The following NELL1 variants were observed in gnomAD, a reference collection of about 807,000 sequenced individuals.
NELL1 encodes the protein protein kinase C-binding protein NELL1.
In NELL1, 76 loss-of-function variants were observed where a neutral mutation model predicts 107.4. The ratio of observed to expected loss-of-function variants is 0.71; its 90% CI spans 0.59 to 0.86. The LOEUF (loss-of-function observed/expected upper bound fraction) is 0.86, where lower values mean the gene tolerates loss of function less well. Ranked by LOEUF, NELL1 falls within the 40% of genes least tolerant of loss-of-function variation. NELL1 has a pLI of 0.00. For synonymous variants in NELL1, 353 were observed against 341.2 expected (o/e 1.03, Z -0.38); for missense variants, 1,024 against 1,005.5 (o/e 1.02, Z -0.25).
chr11:20,956,275 T>A (rs1288254630), intron 11 of NELL1, among the ~76,000 whole-genome samples: 2 of 152,002 alleles, frequency 1.3e-5, no homozygotes, highest in Non-Finnish European at 2.9e-5. Context: ...ATTATTCTAT[T>A]TGAATCAGAG....
At chr11:21,453,268 T>G (rs1288218760) in intron 15 of NELL1, among the ~76,000 whole-genome samples, 1 of 152,140 alleles carries the variant, frequency 6.6e-6, no homozygotes, top group African/African-American at 2.4e-5. Context: ...TATCAGTTAT[T>G]GCTTCACATA....
chr11:20,736,505 T>A (rs1590245932), intron 2 of NELL1, among the ~76,000 whole-genome samples: 1 of 152,148 alleles, frequency 6.6e-6, no homozygotes, highest in East Asian at 1.9e-4. Context: ...AGTTCAAGAA[T>A]CATCTTGGAG....
At chr11:21,229,933 C>A (rs1857998802) in intron 14 of NELL1, among the ~76,000 whole-genome samples, 1 of 152,130 alleles carries the variant, frequency 6.6e-6, no homozygotes, top group Non-Finnish European at 1.5e-5. Context: ...AAATAAAATT[C>A]CTCCTTCTGG....
At chr11:21,462,735 G>C (rs1393878992) in intron 15 of NELL1, among the ~76,000 whole-genome samples, 2 of 152,008 alleles carry the variant, frequency 1.3e-5, no homozygotes, top group South Asian at 4.1e-4. Context: ...TGAGAGTCAA[G>C]GAGGTCTATT....
chr11:20,801,236 T>G (rs1287327515), intron 3 of NELL1, among the ~76,000 whole-genome samples: 1 of 152,204 alleles, frequency 6.6e-6, no homozygotes, highest in Non-Finnish European at 1.5e-5. Flanking sequence ...GGTAGCTTGT[T>G]TTTTAAAAAA....
chr11:21,476,069 C>T (rs1207111917), intron 15 of NELL1, among the ~76,000 whole-genome samples: 1 of 152,148 alleles, frequency 6.6e-6, no homozygotes, highest in Non-Finnish European at 1.5e-5. Flanking sequence ...TTCAATTGAA[C>T]TCTACCTTTG....
At chr11:20,934,866 A>T (rs1385419505) in intron 9 of NELL1, among the ~76,000 whole-genome samples, 2 of 152,184 alleles carry the variant, frequency 1.3e-5, no homozygotes, top group African/African-American at 4.8e-5. Flanking sequence ...TTTATCTACA[A>T]AATTGAGGCA....
At chr11:21,220,466 T>C (rs1396349310) in intron 13 of NELL1, among the ~76,000 whole-genome samples, 1 of 152,146 alleles carries the variant, frequency 6.6e-6, no homozygotes, top group Non-Finnish European at 1.5e-5. Context: ...CTTTGAAGAG[T>C]ATGGTTTGTT....
intron 4 of NELL1, among the ~76,000 whole-genome samples, chr11:20,885,149 G>A (rs896817828): frequency 2.6e-5 from 4 of 152,122 alleles, no homozygotes; most frequent in Admixed American, 6.6e-5. Flanking sequence ...TATAACATGC[G>A]TATCAAACCA....
At chr11:20,764,899 T>C (rs327037) in intron 2 of NELL1, among the ~76,000 whole-genome samples, 40,465 of 152,002 alleles carry the variant, frequency 0.27, 6,543 homozygotes, top group African/African-American at 0.45. Flanking sequence ...GGATGACTCA[T>C]GCCTGTAATC....
Position 21,560,383 on chromosome 11 carries a change from G to A in NELL1, c.1980+1G>A. 1 of 1,568,034 alleles carries A rather than the reference G, an allele frequency of 6.4e-7. No individual in the cohort carries two copies. The highest frequency in any genetic ancestry group is 1.9e-5 in the Admixed American group (1 of 52,580). ...CAGGTGTTCTGTCTGCTCCTGCAAGGTGAGGCTGATGTGGTGCAGCAGAAA... is the reference window on the plus strand; with the variant it reads ...CAGGTGTTCTGTCTGCTCCTGCAAGATGAGGCTGATGTGGTGCAGCAGAAA... On this transcript the variant is annotated splice_donor_variant, in intron 17 of 19. Transcript: ENST00000357134. LOFTEE classifies it high-confidence loss of function.
chr11:20,974,441 T>A (rs1851563707), intron 12 of NELL1, among the ~76,000 whole-genome samples: 1 of 151,834 alleles, frequency 6.6e-6, no homozygotes, highest in Admixed American at 6.6e-5. Flanking sequence ...TATAAGACGA[T>A]CCAGAGGAAA....
At chr11:20,981,411 G>T (rs771776974) in intron 12 of NELL1, among the ~76,000 whole-genome samples, 14 of 152,244 alleles carry the variant, frequency 9.2e-5, no homozygotes, top group Non-Finnish European at 1.5e-4. Flanking sequence ...AGCAGGAGAT[G>T]ATATGATGGC....
chr11:21,454,052 A>G (rs954832815), intron 15 of NELL1, among the ~76,000 whole-genome samples: 2 of 144,552 alleles, frequency 1.4e-5, no homozygotes, highest in Non-Finnish European at 3.0e-5. Flanking sequence ...AGCATTAGGT[A>G]TATCTCCCAA....
intron 13 of NELL1, among the ~76,000 whole-genome samples, chr11:21,201,393 T>C (rs1857266484): frequency 6.6e-6 from 1 of 152,220 alleles, no homozygotes; most frequent in African/African-American, 2.4e-5. Flanking sequence ...TTTCTAGCAA[T>C]TGTGAATGGT....
At chr11:21,207,355 CA>C in intron 13 of NELL1, among the ~76,000 whole-genome samples, 1 of 152,214 alleles carries the variant, frequency 6.6e-6, no homozygotes, top group East Asian at 1.9e-4. Flanking sequence ...GAGCAGGTGA[CA>C]AAGCTGGATT....
chr11:21,390,037 C>A (rs1851832879), intron 15 of NELL1, among the ~76,000 whole-genome samples: 1 of 151,720 alleles, frequency 6.6e-6, no homozygotes, highest in Non-Finnish European at 1.5e-5. Context: ...AATGAGAATT[C>A]CAATTGCATT....
intron 4 of NELL1, among the ~76,000 whole-genome samples, chr11:20,867,413 TA>T (rs1849115566): frequency 6.6e-6 from 1 of 152,056 alleles, no homozygotes; most frequent in South Asian, 2.1e-4. Flanking sequence ...TTAGCAGCAG[TA>T]GTAGGATAAG....
intron 19 of NELL1, 65 bp downstream of exon 19, chr11:21,573,474 C>T: frequency 7.3e-7 from 1 of 1,364,892 alleles, no homozygotes; most frequent in Non-Finnish European, 1.0e-6. Context: ...GCAGGAGGTC[C>T]ACTCCTGATG....
Sources: allele counts gnomAD v4.1 joint callset (sites outside exome capture counted in the v4.1 genomes callset), GRCh38; gene constraint gnomAD v4.1.1; transcripts MANE v1.5; gene names NCBI Gene and HGNC (gene_info 2026-07-23, HGNC 2026-07-21).